COL5A2: variants seen among roughly 807,000 people sequenced by gnomAD.
COL5A2 encodes the protein collagen alpha-2(V) chain.
Under a neutral mutation model 208.2 loss-of-function variants are expected in COL5A2, and 23 were observed. The observed-to-expected ratio is 0.11, with a 90% CI of 0.08 to 0.16. COL5A2 has a LOEUF of 0.16. Ranked by LOEUF, COL5A2 falls within the 10% of genes least tolerant of loss-of-function variation. COL5A2 has a pLI of 1.00. For missense variants in COL5A2, 1,590 were observed against 1,956.4 expected, an observed-to-expected ratio of 0.81 and a Z score of 3.53; for synonymous variants, 625 against 628.5, an observed-to-expected ratio of 0.99 and a Z score of 0.08.
chr2:189,054,682 G>A (rs1325426612), intron 35 of COL5A2, among the ~76,000 whole-genome samples: 1 of 118,342 alleles, frequency 8.5e-6, no homozygotes, highest in African/African-American at 3.1e-5. Flanking sequence ...CATTTTAGGT[G>A]TTTTTTCCTT....
chr2:189,121,759 A>AAAAG (rs869209480), intron 1 of COL5A2, among the ~76,000 whole-genome samples: 1 of 146,430 alleles, frequency 6.8e-6, no homozygotes, highest in Non-Finnish European at 1.5e-5. Context: ...AAAAAAAAAA[A>AAAAG]GCATTTTTCT....
chr2:189,121,849 A>G (rs1687509041), intron 1 of COL5A2, among the ~76,000 whole-genome samples: 1 of 152,132 alleles, frequency 6.6e-6, no homozygotes, highest in Non-Finnish European at 1.5e-5. Context: ...GGAAGTCAAA[A>G]AAATAGTATA....
the COL5A2 span, among the ~76,000 whole-genome samples, chr2:189,377,693 T>G: frequency 6.6e-6 from 1 of 152,204 alleles, no homozygotes; most frequent in Non-Finnish European, 1.5e-5. Context: ...ATCTTGCAAC[T>G]TCTGTATTCA....
the COL5A2 span, among the ~76,000 whole-genome samples, chr2:189,395,710 C>G: frequency 1.1e-4 from 17 of 151,558 alleles, no homozygotes; most frequent in African/African-American, 4.1e-4. Context: ...TCGAAATCAT[C>G]CTGGCCAATA....
chr2:189,227,535 G>A (rs750001801), upstream of COL5A2, among the ~76,000 whole-genome samples: 11 of 151,990 alleles, frequency 7.2e-5, no homozygotes, highest in Non-Finnish European at 1.3e-4. Context: ...GATATTTGAC[G>A]TAATCGGTAA....
chr2:189,050,923 T>TA (rs1559079479), intron 42 of COL5A2, among the ~76,000 whole-genome samples: 1 of 151,928 alleles, frequency 6.6e-6, no homozygotes, highest in African/African-American at 2.4e-5. Context: ...ACTGACTCAA[T>TA]AAAAGAGGTA....
intron 43 of COL5A2, among the ~76,000 whole-genome samples, chr2:189,049,922 CAT>C (rs754497099): frequency 9.1e-4 from 139 of 152,216 alleles, no homozygotes; most frequent in Admixed American, 1.6e-3. Flanking sequence ...TTTCAACCCA[CAT>C]GTCTCCCAGT....
chr2:189,325,085 C>T, the COL5A2 span, among the ~76,000 whole-genome samples: 5 of 151,596 alleles, frequency 3.3e-5, no homozygotes, highest in Non-Finnish European at 7.4e-5. Flanking sequence ...TCAAACACTG[C>T]GTGTGCTCAC....
the COL5A2 span, among the ~76,000 whole-genome samples, chr2:189,419,530 A>G: frequency 3.9e-5 from 6 of 152,200 alleles, no homozygotes; most frequent in South Asian, 1.2e-3. Flanking sequence ...GGTGCTCACA[A>G]CTGTAATCCC....
At chr2:189,322,570 A>C in the COL5A2 span, among the ~76,000 whole-genome samples, 8 of 152,222 alleles carry the variant, frequency 5.3e-5, no homozygotes, top group African/African-American at 1.9e-4. Flanking sequence ...TAAACTAGAA[A>C]ATCTAGAAGA....
chr2:189,371,785 T>C, the COL5A2 span, among the ~76,000 whole-genome samples: 5 of 152,182 alleles, frequency 3.3e-5, no homozygotes, highest in East Asian at 1.9e-4. Context: ...GGGAAGCAGA[T>C]TGTAAAAGTT....
At chr2:189,358,735 G>C in the COL5A2 span, among the ~76,000 whole-genome samples, 6 of 152,088 alleles carry the variant, frequency 3.9e-5, no homozygotes, top group Non-Finnish European at 8.8e-5. Flanking sequence ...TATTGTGTGC[G>C]TCTTCTCTTC....
At chr2:189,356,781 C>A in the COL5A2 span, among the ~76,000 whole-genome samples, 1 of 152,068 alleles carries the variant, frequency 6.6e-6, no homozygotes, top group African/African-American at 2.4e-5. Flanking sequence ...CCCTTGCTGG[C>A]GAGGAGTTGT....
chr2:189,440,446 G>A, the COL5A2 span, among the ~76,000 whole-genome samples: 1 of 152,152 alleles, frequency 6.6e-6, no homozygotes, highest in Non-Finnish European at 1.5e-5. Context: ...CAATATTGCA[G>A]GCAATTGTAA....
At chr2:189,232,362 A>G in the COL5A2 span, among the ~76,000 whole-genome samples, 1 of 151,674 alleles carries the variant, frequency 6.6e-6, no homozygotes, top group African/African-American at 2.4e-5. Context: ...GGGTAATAAC[A>G]TCTATAATCA....
At chr2:189,393,228 T>A in the COL5A2 span, among the ~76,000 whole-genome samples, 1 of 152,138 alleles carries the variant, frequency 6.6e-6, no homozygotes, top group Non-Finnish European at 1.5e-5. Flanking sequence ...TGTGACTTCA[T>A]TCTGTATGTC....
At chr2:189,111,500 C>T (rs1395018258) in intron 1 of COL5A2, among the ~76,000 whole-genome samples, 1 of 152,122 alleles carries the variant, frequency 6.6e-6, no homozygotes, top group Non-Finnish European at 1.5e-5. Flanking sequence ...CCTCTCCTTC[C>T]TTCATCCCAG....
chr2:189,352,566 TC>T, the COL5A2 span, among the ~76,000 whole-genome samples: 8 of 152,214 alleles, frequency 5.3e-5, 1 homozygote, highest in African/African-American at 1.7e-4. Context: ...AAGCTTTTTT[TC>T]GTATGTTTGT....
the COL5A2 span, among the ~76,000 whole-genome samples, chr2:189,303,856 C>T: frequency 2.0e-5 from 3 of 152,252 alleles, no homozygotes; most frequent in Admixed American, 6.5e-5. Flanking sequence ...CGAGGCACCC[C>T]GAGAGTCTCT....
Sources: allele counts gnomAD v4.1 joint callset (sites outside exome capture counted in the v4.1 genomes callset), GRCh38; gene constraint gnomAD v4.1.1; transcripts MANE v1.5; gene names NCBI Gene and HGNC (gene_info 2026-07-23, HGNC 2026-07-21).